The following NHS variants were observed in gnomAD, a reference collection of about 807,000 sequenced individuals.
The protein encoded by NHS is actin remodeling regulator NHS.
A neutral mutation model predicts 72.5 loss-of-function variants in NHS; 5 were observed. The ratio of observed to expected loss-of-function variants is 0.07; its 90% CI spans 0.04 to 0.14. The LOEUF (loss-of-function observed/expected upper bound fraction) is 0.14. Among genes scored for constraint, NHS ranks in the 10% least tolerant of loss-of-function variants. NHS has a pLI of 1.00. For synonymous variants in NHS, 464 were observed against 547.7 expected (o/e 0.85, Z 2.13); for missense variants, 1,072 against 1,355.7 (o/e 0.79, Z 3.29).
intron 1 of NHS, among the ~76,000 whole-genome samples, chrX:17,476,481 A>G (rs936846081): frequency 6.3e-5 from 7 of 111,673 alleles, no homozygotes; most frequent in African/African-American, 2.3e-4. Flanking sequence ...TGTTTGCTCC[A>G]TATGTAATGC....
At chrX:17,629,203 C>T (rs1018470942) in intron 1 of NHS, among the ~76,000 whole-genome samples, 1 of 112,436 alleles carries the variant, frequency 8.9e-6, no homozygotes, top group African/African-American at 3.2e-5. Context: ...TAAAGAACAG[C>T]TTCTGGAGAG....
At chrX:17,440,822 T>C (rs966692267) in intron 1 of NHS, among the ~76,000 whole-genome samples, 2 of 111,763 alleles carry the variant, frequency 1.8e-5, no homozygotes, top group African/African-American at 6.5e-5. Context: ...TAACCTTTGC[T>C]CTCTAGCTGC....
At chrX:17,490,374 A>C (rs182297677) in intron 1 of NHS, among the ~76,000 whole-genome samples, 1 of 112,378 alleles carries the variant, frequency 8.9e-6, no homozygotes, top group African/African-American at 3.2e-5. Flanking sequence ...CCAATTACTA[A>C]ATAGAGAATC....
At chrX:17,454,515 G>A (rs375650942) in intron 1 of NHS, among the ~76,000 whole-genome samples, 72 of 112,378 alleles carry the variant, frequency 6.4e-4, no homozygotes, top group South Asian at 1.1e-3. Flanking sequence ...TACAAGCTCA[G>A]TTCAGCAGCT....
chrX:17,503,243 G>T (rs1221160162), intron 1 of NHS, among the ~76,000 whole-genome samples: 1 of 112,277 alleles, frequency 8.9e-6, no homozygotes, highest in Non-Finnish European at 1.9e-5. Context: ...GCTTTTTGAT[G>T]ATGGCCAAAC....
chrX:17,516,571 G>GCACACA (rs765423925), intron 1 of NHS, among the ~76,000 whole-genome samples: 146 of 91,771 alleles, frequency 1.6e-3, no homozygotes, highest in Middle Eastern at 0.011. Context: ...ACACACACGC[G>GCACACA]CACACACACA....
intron 1 of NHS, among the ~76,000 whole-genome samples, chrX:17,610,227 G>C (rs2065703296): frequency 9.0e-6 from 1 of 111,572 alleles, no homozygotes; most frequent in African/African-American, 3.3e-5. Context: ...CCATTGCATA[G>C]GAAGCACATT....
intron 1 of NHS, among the ~76,000 whole-genome samples, chrX:17,600,136 T>C (rs1366476922): frequency 8.9e-6 from 1 of 111,860 alleles, no homozygotes; most frequent in Non-Finnish European, 1.9e-5. Context: ...TAAAGGTATA[T>C]GGATAAAAAG....
chrX:17,691,875 C>T (rs2147114836), intron 2 of NHS, among the ~76,000 whole-genome samples: 1 of 112,288 alleles, frequency 8.9e-6, no homozygotes, highest in African/African-American at 3.2e-5. Flanking sequence ...GAAAAATGGA[C>T]TCACACAAAT....
Position 17,665,318 on chromosome X carries a change from ATTTTTTTTT to A in NHS, c.566-22404_566-22396del, listed in dbSNP as rs34661609. Among the ~76,000 whole-genome samples, 54 of 54,724 alleles carry A rather than the reference ATTTTTTTTT, an allele frequency of 9.9e-4. 1 individual carries two copies. Among genetic ancestry groups the A allele is most frequent in the African/African-American group, 5.1e-3 (48 of 9,403 alleles). 47.5% of individuals were successfully genotyped at this position (54,724 alleles called of 115,157 possible). A position where few individuals can be genotyped will look rare whatever the true frequency, so the allele number is the denominator to read the frequency against. ...TCACCATTAAGTATATTACCTATAG[ATTTTTTTTT>A]TTTTTTTTTTTTTTTTTTTGAGACG... On this transcript the variant is annotated intron_variant, in intron 1 of 8. Transcript: ENST00000676302.
In NHS at chrX:17,734,981, T is replaced by C. The variant is rs1279829790; in HGVS notation, c.*2517T>C. 8.9e-6 allele frequency: 1 copy of C among 111,780 alleles called. No individual in the cohort carries two copies. Among genetic ancestry groups the C allele is most frequent in the African/African-American group, 3.3e-5 (1 of 30,290 alleles). The allele number at this position is 111,780 out of a possible 1,213,427, so 9.2% of individuals were successfully genotyped here. A position where few individuals can be genotyped will look rare whatever the true frequency, so the allele number is the denominator to read the frequency against. On this transcript the variant is annotated 3_prime_UTR_variant, in exon 9 of 9. Coordinates refer to ENST00000676302, the MANE Select transcript of NHS (RefSeq NM_001291867.2). ...CTTTAATAAAAATGTCACCTTTTTA[T>C]TATTGACATTAAGTAATGGTACCAT... is the stretch of plus-strand genomic sequence containing the variant.
chrX:17,447,793 A>ACG (rs1465748217), intron 1 of NHS, among the ~76,000 whole-genome samples: 8 of 108,514 alleles, frequency 7.4e-5, no homozygotes, highest in Non-Finnish European at 1.2e-4. Context: ...ACGCACACAC[A>ACG]CACACACACA....
chrX:17,654,077 G>A (rs1222941007), intron 1 of NHS, among the ~76,000 whole-genome samples: 1 of 38 alleles, frequency 0.026, no homozygotes, highest in Non-Finnish European at 0.04. Flanking sequence ...TCTGCCCTTG[G>A]CAGCAGAACT....
At chrX:17,537,226 A>G (rs1280885612) in intron 1 of NHS, among the ~76,000 whole-genome samples, 1 of 112,309 alleles carries the variant, frequency 8.9e-6, no homozygotes, top group Non-Finnish European at 1.9e-5. Flanking sequence ...TTTTGGAATC[A>G]GCAAAACTGA....
At chrX:17,528,213 C>T (rs2065182086) in intron 1 of NHS, among the ~76,000 whole-genome samples, 2 of 111,678 alleles carry the variant, frequency 1.8e-5, no homozygotes, top group South Asian at 7.5e-4. Flanking sequence ...TGCTGCTAAA[C>T]CTCCTACAAT....
At chrX:17,439,470 T>G (rs767364488) in intron 1 of NHS, among the ~76,000 whole-genome samples, 1 of 111,744 alleles carries the variant, frequency 8.9e-6, no homozygotes, top group South Asian at 3.7e-4. Context: ...TATATTTATA[T>G]ATTCCTAAGC....
rs185116461 is a variant in NHS at position 17,395,904 on chromosome X, T to C, written c.565+19582T>C. On this transcript the variant is annotated intron_variant, in intron 1 of 8. Transcript: ENST00000676302. The stretch of plus-strand genomic sequence containing the variant: ...AAATATTGGAAATATCCTAAATGAT[T>C]AACAATAGAAAATTGGCTGAACAAA... 2.7e-5 allele frequency among the ~76,000 whole-genome samples: 3 copies of C among 112,575 alleles called. No homozygotes were observed. In the Admixed American group the frequency reaches 2.8e-4, roughly 11 times the overall value.
intron 1 of NHS, among the ~76,000 whole-genome samples, chrX:17,527,089 G>A (rs2065176748): frequency 8.9e-6 from 1 of 112,599 alleles, no homozygotes; most frequent in Admixed American, 9.3e-5. Flanking sequence ...TTTGCCTTCT[G>A]TGACCAGTTC....
chrX:17,628,218 G>A (rs1569296523), intron 1 of NHS, among the ~76,000 whole-genome samples: 2 of 112,533 alleles, frequency 1.8e-5, no homozygotes. Flanking sequence ...TACAACTGGA[G>A]CTCTGCCAAG....
Sources: allele counts gnomAD v4.1 joint callset (sites outside exome capture counted in the v4.1 genomes callset), GRCh38; gene constraint gnomAD v4.1.1; transcripts MANE v1.5; gene names NCBI Gene and HGNC (gene_info 2026-07-23, HGNC 2026-07-21).